SMYD3: variants seen among roughly 807,000 people sequenced by gnomAD.
SMYD3 encodes SET and MYND domain containing 3.
SMYD3 carries 36 observed loss-of-function variants against 57.7 expected under a neutral mutation model. The observed-to-expected ratio is 0.62, with a 90% CI of 0.48 to 0.82. SMYD3 has a LOEUF of 0.82. Ranked by LOEUF, SMYD3 falls within the 40% of genes least tolerant of loss-of-function variation. The pLI is 0.00. For synonymous variants in SMYD3, 211 were observed against 195.0 expected (o/e 1.08, Z -0.68); for missense variants, 515 against 538.8 (o/e 0.96, Z 0.44).
intron 5 of SMYD3, among the ~76,000 whole-genome samples, chr1:246,216,286 CA>C (rs761129685): frequency 2.4e-3 from 302 of 125,560 alleles, no homozygotes; most frequent in Admixed American, 3.4e-3. Context: ...GACTCCATTT[CA>C]AAAAAAAAAA....
At chr1:246,419,244 C>T (rs1417848760) in intron 1 of SMYD3, among the ~76,000 whole-genome samples, 1 of 152,188 alleles carries the variant, frequency 6.6e-6, no homozygotes, top group Non-Finnish European at 1.5e-5. Flanking sequence ...GATAATCCCA[C>T]CACCCTTTGC....
chr1:246,177,938 C>T lies in SMYD3; in HGVS notation c.531+149263G>A, dbSNP rs531209739. On this transcript the variant is annotated intron_variant, in intron 5 of 11. Transcript: ENST00000490107. ...AGCAGGCTTAGGGAGGTGCTACTCT[C>T]TTGGTTCCTGCTTTCAAAAAGGGTG... 1.6e-3 allele frequency among the ~76,000 whole-genome samples: 241 copies of T among 152,310 alleles called. 1 individual carries two copies. Among genetic ancestry groups the T allele is most frequent in the African/African-American group, 5.7e-3 (237 of 41,562 alleles).
At chr1:246,262,248 C>A (rs1358172701) in intron 5 of SMYD3, among the ~76,000 whole-genome samples, 3 of 152,062 alleles carry the variant, frequency 2.0e-5, no homozygotes, top group Non-Finnish European at 4.4e-5. Context: ...GAAGCTCAGG[C>A]AGAATAAAGC....
At chr1:246,425,433 A>G (rs1045285301) in intron 1 of SMYD3, among the ~76,000 whole-genome samples, 1 of 152,192 alleles carries the variant, frequency 6.6e-6, no homozygotes, top group Admixed American at 6.5e-5. Flanking sequence ...CCACTGTAAC[A>G]TAAGCTCAGC....
chr1:246,110,073 T>G (rs184546939), intron 5 of SMYD3, among the ~76,000 whole-genome samples: 1 of 152,318 alleles, frequency 6.6e-6, no homozygotes, highest in East Asian at 1.9e-4. Context: ...TATTTCTCAT[T>G]TGGCAATGTA....
At chr1:245,793,115 C>T (rs572769716) in intron 10 of SMYD3, among the ~76,000 whole-genome samples, 45 of 147,046 alleles carry the variant, frequency 3.1e-4, no homozygotes, top group Non-Finnish European at 5.1e-4. Context: ...CAAGACCATC[C>T]TGGCTAACAC....
intron 10 of SMYD3, among the ~76,000 whole-genome samples, chr1:245,778,381 T>C (rs1181516000): frequency 6.6e-6 from 1 of 152,068 alleles, no homozygotes; most frequent in Admixed American, 6.5e-5. Context: ...TGTAGCCAAT[T>C]ATTTTTTTTT....
At chr1:246,215,908 AT>A (rs1236523373) in intron 5 of SMYD3, among the ~76,000 whole-genome samples, 1 of 152,052 alleles carries the variant, frequency 6.6e-6, no homozygotes, top group Non-Finnish European at 1.5e-5. Context: ...ACATAAAAAT[AT>A]TTTTTCTATT....
intron 5 of SMYD3, among the ~76,000 whole-genome samples, chr1:246,270,265 C>T (rs4654230): frequency 0.33 from 50,764 of 152,024 alleles, 9,361 homozygotes; most frequent in East Asian, 0.72. Context: ...GGCATAGATG[C>T]ATCCAAAATC....
At chr1:246,195,969 T>C (rs1333873396) in intron 5 of SMYD3, among the ~76,000 whole-genome samples, 1 of 152,150 alleles carries the variant, frequency 6.6e-6, no homozygotes, top group African/African-American at 2.4e-5. Flanking sequence ...CAGAGTAATA[T>C]CTTACGATAC....
intron 5 of SMYD3, among the ~76,000 whole-genome samples, chr1:246,037,075 T>C (rs1277203668): frequency 6.6e-6 from 1 of 152,194 alleles, no homozygotes; most frequent in African/African-American, 2.4e-5. Flanking sequence ...CTCCATTGTA[T>C]TCCTATTACA....
At chr1:246,195,557 T>C (rs974108537) in intron 5 of SMYD3, among the ~76,000 whole-genome samples, 3 of 152,164 alleles carry the variant, frequency 2.0e-5, no homozygotes, top group East Asian at 3.9e-4. Context: ...CTAGACCATA[T>C]GACATGTTGC....
At chr1:246,473,724 T>C (rs1270352394) in intron 1 of SMYD3, among the ~76,000 whole-genome samples, 1 of 152,180 alleles carries the variant, frequency 6.6e-6, no homozygotes, top group African/African-American at 2.4e-5. Flanking sequence ...GCGGAACACA[T>C]ATGCCTCAAT....
chr1:246,147,440 C>G (rs572041346), intron 5 of SMYD3, among the ~76,000 whole-genome samples: 4 of 152,090 alleles, frequency 2.6e-5, no homozygotes, highest in Admixed American at 6.5e-5. Context: ...AGGACGTGCT[C>G]GGTGGTTGTA....
intron 10 of SMYD3, among the ~76,000 whole-genome samples, chr1:245,780,692 G>A (rs563948574): frequency 3.2e-4 from 48 of 152,244 alleles, no homozygotes; most frequent in African/African-American, 9.6e-4. Context: ...GTATGCAAGC[G>A]CTATCTCAAT....
At chr1:246,433,399 G>T (rs147870317) in intron 1 of SMYD3, among the ~76,000 whole-genome samples, 1 of 152,164 alleles carries the variant, frequency 6.6e-6, no homozygotes, top group Admixed American at 6.5e-5. Flanking sequence ...GGTGGCTCAC[G>T]CCTGTAATCC....
Position 245,895,670 on chromosome 1 carries a change from C to A in SMYD3, c.813+19860G>T, listed in dbSNP as rs555372530. ...CTTCTTCAGACAATCATTGTTTCTTCCTTTCACTCAAACCTGCCTCTGTTC... is the reference window on the plus strand; with the variant it reads ...CTTCTTCAGACAATCATTGTTTCTTACTTTCACTCAAACCTGCCTCTGTTC... On this transcript the variant is annotated intron_variant, in intron 8 of 11. Coordinates refer to ENST00000490107, the MANE Select transcript of SMYD3 (RefSeq NM_001167740.2). 1.2e-3 allele frequency among the ~76,000 whole-genome samples: 180 copies of A among 152,336 alleles called. 1 individual carries two copies. Among genetic ancestry groups the A allele is most frequent in the Non-Finnish European group, 7.5e-4 (51 of 68,024 alleles).
chr1:245,839,492 T>C (rs2148413738), intron 10 of SMYD3, among the ~76,000 whole-genome samples: 1 of 152,240 alleles, frequency 6.6e-6, no homozygotes, highest in African/African-American at 2.4e-5. Context: ...CTAACCTTTA[T>C]TTTCAAACAG....
intron 5 of SMYD3, among the ~76,000 whole-genome samples, chr1:245,935,978 C>T (rs898916084): frequency 6.6e-6 from 1 of 152,014 alleles, no homozygotes; most frequent in East Asian, 1.9e-4. Context: ...ATGATGACTA[C>T]AGTTAATAAT....
Sources: allele counts gnomAD v4.1 joint callset (sites outside exome capture counted in the v4.1 genomes callset), GRCh38; gene constraint gnomAD v4.1.1; transcripts MANE v1.5; gene names NCBI Gene and HGNC (gene_info 2026-07-23, HGNC 2026-07-21).